CALB2: variants seen among roughly 807,000 people sequenced by gnomAD.
CALB2 encodes the protein calbindin 2, also known as calretinin.
CALB2 carries 34 observed loss-of-function variants against 45.9 expected under a neutral mutation model. The observed-to-expected ratio is 0.74, with a 90% CI of 0.56 to 0.99. The LOEUF is 0.99. CALB2 is among the 50% of genes least tolerant of loss of function. The pLI is 0.00. For missense variants in CALB2, 344 were observed against 339.3 expected (o/e 1.01, Z -0.11); for synonymous variants, 142 against 129.6 (o/e 1.10, Z -0.65).
chr16:71,377,802 G>T (rs1027717636), intron 4 of CALB2, 55 bp downstream of exon 4: 2 of 1,332,982 alleles, frequency 1.5e-6, no homozygotes, highest in African/African-American at 2.9e-5. Flanking sequence ...TTCCTCCTGT[G>T]TTCAGAGCCA....
At chr16:71,386,533 C>G (rs2145004901) in intron 10 of CALB2, among the ~76,000 whole-genome samples, 1 of 152,286 alleles carries the variant, frequency 6.6e-6, no homozygotes, top group South Asian at 2.1e-4. Context: ...CTGATGTTGC[C>G]TCCTGGGAAT....
intron 10 of CALB2, among the ~76,000 whole-genome samples, 157 bp downstream of exon 10, chr16:71,385,805 G>T (rs1227371719): frequency 2.0e-5 from 3 of 152,236 alleles, no homozygotes; most frequent in Non-Finnish European, 2.9e-5. Flanking sequence ...TTGGTTTTTT[G>T]ATTTCTGGTT....
intron 3 of CALB2, 72 bp downstream of exon 3, chr16:71,374,906 G>T (rs1005328362): frequency 2.9e-6 from 3 of 1,041,564 alleles, no homozygotes; most frequent in Non-Finnish European, 3.0e-6. Flanking sequence ...CCAGGCATGA[G>T]CATCCTGCTG....
chr16:71,385,629 T>C lies in CALB2; in HGVS notation c.680T>C (p.Leu227Pro), dbSNP rs776033162. 6.2e-7 allele frequency: 1 copy of C among 1,613,958 alleles called. No individual in the cohort carries two copies. Among genetic ancestry groups the C allele is most frequent in the Non-Finnish European group, 8.5e-7 (1 of 1,179,994 alleles). ...EHELDALLKD[L>P]YEKNKKEMNI... is the part of the protein sequence containing the mutation. ...GAGCTGGATGCCCTTTTGAAGGATC[T>C]GTACGAGAAAAACAAAAAGGTGAGC... The change falls in exon 10 of 11, where the codon CTG becomes CCG. Residue 227 changes from leucine to proline, a missense_variant. Coordinates refer to ENST00000302628, the MANE Select transcript of CALB2 (RefSeq NM_001740.5).
intron 10 of CALB2, among the ~76,000 whole-genome samples, chr16:71,386,340 G>T (rs1165394838): frequency 6.6e-6 from 1 of 152,188 alleles, no homozygotes; most frequent in African/African-American, 2.4e-5. Flanking sequence ...TAGCCAAATT[G>T]CCAACCAAAA....
intron 1 of CALB2, 132 bp from the exon 2 acceptor site, chr16:71,372,021 G>C: frequency 1.5e-6 from 1 of 689,382 alleles, no homozygotes. Flanking sequence ...CACACCCCTA[G>C]CTCCACTGGC....
At position 71,367,117 on chromosome 16, in the gene CALB2, G is replaced by T. The variant is rs74025965; in HGVS notation, c.95-5036G>T. Among the ~76,000 whole-genome samples, 738 of 152,202 alleles carry T rather than the reference G, an allele frequency of 4.8e-3. 12 individuals carry two copies. Among genetic ancestry groups the T allele is most frequent in the African/African-American group, 0.017 (703 of 41,530 alleles). The stretch of plus-strand genomic sequence containing the variant: ...CCGTGGTCAGATGAAAGGTAAAGAA[G>T]TATTGTCTCACTTTAAATTGGGGGA... On this transcript the variant is annotated intron_variant, in intron 1 of 10. Transcript: ENST00000302628.
At chr16:71,376,064 GC>G (rs2042407868) in intron 3 of CALB2, among the ~76,000 whole-genome samples, 1 of 152,174 alleles carries the variant, frequency 6.6e-6, no homozygotes, top group Admixed American at 6.5e-5. Context: ...CACTATAGAT[GC>G]CCATGCTGAT....
At chr16:71,365,554 G>A (rs1436148425) in intron 1 of CALB2, among the ~76,000 whole-genome samples, 1 of 152,126 alleles carries the variant, frequency 6.6e-6, no homozygotes, top group African/African-American at 2.4e-5. Flanking sequence ...GCACACTGAT[G>A]AATCACCAAG....
chr16:71,388,550 T>C (rs2042598247), intron 10 of CALB2, among the ~76,000 whole-genome samples: 1 of 152,134 alleles, frequency 6.6e-6, no homozygotes, highest in African/African-American at 2.4e-5. Flanking sequence ...GTATTTAATA[T>C]GGGTCTCCAT....
intron 8 of CALB2, 142 bp from the exon 9 acceptor site, chr16:71,384,641 C>A: frequency 1.9e-4 from 1 of 5,362 alleles, no homozygotes; most frequent in Non-Finnish European, 3.2e-4. Flanking sequence ...ACATCACACA[C>A]ACCACACAGA....
rs761236517 is a variant in CALB2 at position 71,382,775 on chromosome 16, G to C, written c.399G>C (p.Lys133Asn). ...RSGYIEANEL[K>N]GFLSDLLKKA... ...GCTACATCGAAGCCAATGAGCTCAA[G>C]GTAGGATGGGCCTTGGGGAGGGTGT... Residue 133 changes from lysine to asparagine, a missense_variant and splice_region_variant, in exon 5 of 11, where the codon AAG (lysine) becomes AAC (asparagine). Coordinates refer to ENST00000302628, the MANE Select transcript of CALB2 (RefSeq NM_001740.5). 1.5e-5 allele frequency: 24 copies of C among 1,610,666 alleles called. No homozygotes were observed. Among genetic ancestry groups the C allele is most frequent in the Non-Finnish European group, 2.0e-5 (23 of 1,178,466 alleles).
chr16:71,381,198 T>C (rs2042487242), intron 4 of CALB2, among the ~76,000 whole-genome samples: 1 of 152,206 alleles, frequency 6.6e-6, no homozygotes, highest in Non-Finnish European at 1.5e-5. Flanking sequence ...ACTAAGTGCC[T>C]GCGAGTTGTT....
At chr16:71,389,613 G>A in intron 10 of CALB2, 136 bp from the exon 11 acceptor site, 1 of 768,484 alleles carries the variant, frequency 1.3e-6, no homozygotes. Flanking sequence ...TCCATGCTTT[G>A]CATTCATCTA....
chr16:71,383,573 C>A, intron 6 of CALB2, 129 bp downstream of exon 6: 3 of 824,146 alleles, frequency 3.6e-6, no homozygotes, highest in Non-Finnish European at 5.8e-6. Flanking sequence ...ACAGTGGCAG[C>A]TGGCAAAAAG....
intron 10 of CALB2, among the ~76,000 whole-genome samples, chr16:71,386,803 T>G (rs1465985222): frequency 6.6e-5 from 10 of 152,238 alleles, no homozygotes; most frequent in Admixed American, 5.9e-4. Flanking sequence ...GCAGTCTCTA[T>G]TCATCTCCCT....
At chr16:71,372,473 G>T (rs529863939) in intron 2 of CALB2, among the ~76,000 whole-genome samples, 6 of 152,288 alleles carry the variant, frequency 3.9e-5, no homozygotes, top group Non-Finnish European at 4.4e-5. Flanking sequence ...CTGCAAAGCT[G>T]CAAAGCTTTG....
At chr16:71,384,517 A>G (rs1233554119) in intron 8 of CALB2, 139 bp downstream of exon 8, 25 of 729,078 alleles carry the variant, frequency 3.4e-5, no homozygotes, top group Non-Finnish European at 5.6e-5. Flanking sequence ...CACCACACAC[A>G]CAACACACAC....
Position 71,360,059 on chromosome 16 carries a change from C to T in CALB2, c.94+1173C>T, listed in dbSNP as rs568954203. ...TGGGCTCTGACACCTGTCATTCAGGCCCCTGTCCCAGATCTGTGTGGGATG... is the reference window on the plus strand; with the variant it reads ...TGGGCTCTGACACCTGTCATTCAGGTCCCTGTCCCAGATCTGTGTGGGATG... On this transcript the variant is annotated intron_variant, in intron 1 of 10. Transcript: ENST00000302628. Among the ~76,000 whole-genome samples, 10 of 152,356 alleles carry T rather than the reference C, an allele frequency of 6.6e-5. No homozygotes were observed. The South Asian group carries it at 1.5e-3, about 22-fold the overall frequency.
Sources: allele counts gnomAD v4.1 joint callset (sites outside exome capture counted in the v4.1 genomes callset), GRCh38; gene constraint gnomAD v4.1.1; transcripts MANE v1.5; gene names NCBI Gene and HGNC (gene_info 2026-07-23, HGNC 2026-07-21).